The following TBPL1 variants were observed in gnomAD, a reference collection of about 807,000 sequenced individuals.
TBPL1 encodes the protein TATA box-binding protein-like 1.
A neutral mutation model predicts 22.1 loss-of-function variants in TBPL1; 4 were observed. The ratio of observed to expected loss-of-function variants is 0.18; its 90% CI spans 0.09 to 0.41. The LOEUF (loss-of-function observed/expected upper bound fraction) is 0.41. TBPL1 is among the 10% of genes least tolerant of loss of function. The pLI, the probability that TBPL1 is intolerant of heterozygous loss-of-function variation, is 1.00. For missense variants in TBPL1, 115 were observed against 222.3 expected, an observed-to-expected ratio of 0.52 and a Z score of 3.07; for synonymous variants, 64 against 71.0, an observed-to-expected ratio of 0.90 and a Z score of 0.50.
At chr6:133,976,591 G>A (rs1776316450) in intron 1 of TBPL1, among the ~76,000 whole-genome samples, 2 of 152,106 alleles carry the variant, frequency 1.3e-5, no homozygotes, top group African/African-American at 4.8e-5. Context: ...CTAAGCCTTT[G>A]AACTACTAAT....
intron 1 of TBPL1, among the ~76,000 whole-genome samples, chr6:133,966,558 C>T (rs1304925699): frequency 1.3e-5 from 2 of 152,134 alleles, no homozygotes; most frequent in African/African-American, 4.8e-5. Context: ...TTAACTGCTC[C>T]GTATCTCCTC....
intron 1 of TBPL1, among the ~76,000 whole-genome samples, chr6:133,958,284 T>TA (rs1583807117): frequency 1.3e-5 from 2 of 152,250 alleles, no homozygotes; most frequent in Admixed American, 1.3e-4. Context: ...TAGAAGGCAC[T>TA]ATTTTTTACT....
At chr6:133,970,448 C>G (rs1168635607) in intron 1 of TBPL1, among the ~76,000 whole-genome samples, 1 of 152,130 alleles carries the variant, frequency 6.6e-6, no homozygotes, top group Non-Finnish European at 1.5e-5. Flanking sequence ...TAATACAGTA[C>G]ATTTTGAACC....
At chr6:133,983,690 G>A (rs572803108) in intron 4 of TBPL1, among the ~76,000 whole-genome samples, 5 of 152,250 alleles carry the variant, frequency 3.3e-5, no homozygotes, top group East Asian at 1.9e-4. Flanking sequence ...AGGATAGTTC[G>A]CTCACCCAAA....
At chr6:133,956,911 A>G (rs1775937037) in intron 1 of TBPL1, among the ~76,000 whole-genome samples, 1 of 152,208 alleles carries the variant, frequency 6.6e-6, no homozygotes, top group Non-Finnish European at 1.5e-5. Context: ...TACGTATCTG[A>G]GGTTTTTCCA....
At chr6:133,974,692 T>C (rs1188473885) in intron 1 of TBPL1, among the ~76,000 whole-genome samples, 1 of 152,244 alleles carries the variant, frequency 6.6e-6, no homozygotes, top group Admixed American at 6.5e-5. Flanking sequence ...TTTTAAATTA[T>C]CTGAATACAC....
At chr6:133,986,837 T>C in intron 6 of TBPL1, 124 bp from the exon 7 acceptor site, 2 of 566,148 alleles carry the variant, frequency 3.5e-6, no homozygotes. Context: ...TCTAGTTTTC[T>C]TTTTTTTAAC....
chr6:133,976,899 C>G (rs976161039), intron 1 of TBPL1, among the ~76,000 whole-genome samples: 1 of 149,440 alleles, frequency 6.7e-6, no homozygotes, highest in Admixed American at 6.8e-5. Flanking sequence ...ATCCAGGAGG[C>G]GGAGGTTGCC....
chr6:133,974,752 A>G (rs567019106), intron 1 of TBPL1, among the ~76,000 whole-genome samples: 14 of 152,368 alleles, frequency 9.2e-5, no homozygotes, highest in Non-Finnish European at 1.6e-4. Flanking sequence ...CTGTAAGAGA[A>G]CACAGATTTA....
At position 133,988,725 on chromosome 6, in the gene TBPL1, C is replaced by T. The variant is rs867352449; in HGVS notation, c.*1685C>T. Reference sequence around the variant, plus strand: ...TGAGATTTTTAGACTTGTATTTTTCCTTTTTTTTAAAAAAAAAGTGTTTAT... The same window carrying T: ...TGAGATTTTTAGACTTGTATTTTTCTTTTTTTTTAAAAAAAAAGTGTTTAT... On this transcript the variant is annotated 3_prime_UTR_variant, in exon 7 of 7. Transcript: ENST00000237264. 1 of 150,424 alleles carries T rather than the reference C, an allele frequency of 6.6e-6. No homozygotes were observed. The highest frequency in any genetic ancestry group is 3.4e-3 in the Middle Eastern group (1 of 290). The allele number at this position is 150,424 out of a possible 1,614,324, so 9.3% of individuals were successfully genotyped here. A position where few individuals can be genotyped will look rare whatever the true frequency, so the allele number is the denominator to read the frequency against.
chr6:133,963,112 A>G (rs1383213920), intron 1 of TBPL1, among the ~76,000 whole-genome samples: 1 of 152,216 alleles, frequency 6.6e-6, no homozygotes, highest in African/African-American at 2.4e-5. Flanking sequence ...AAGACAGATT[A>G]TGCTGGTTTA....
chr6:133,966,373 C>T (rs1776119652), intron 1 of TBPL1, among the ~76,000 whole-genome samples: 1 of 152,068 alleles, frequency 6.6e-6, no homozygotes, highest in Admixed American at 6.5e-5. Flanking sequence ...TACCATTGAC[C>T]AAATGGGACT....
intron 1 of TBPL1, among the ~76,000 whole-genome samples, chr6:133,974,414 A>G (rs1234246921): frequency 1.3e-5 from 2 of 152,064 alleles, no homozygotes; most frequent in Admixed American, 6.5e-5. Flanking sequence ...GCTCACTGCA[A>G]CCTCCGCCTC....
intron 1 of TBPL1, among the ~76,000 whole-genome samples, chr6:133,967,362 T>C (rs573243945): frequency 1.3e-5 from 2 of 152,232 alleles, no homozygotes; most frequent in Non-Finnish European, 2.9e-5. Context: ...ATATTCTTTA[T>C]ATATTAGAGC....
chr6:133,954,355 T>G (rs1205591021), intron 1 of TBPL1, among the ~76,000 whole-genome samples: 2 of 152,128 alleles, frequency 1.3e-5, no homozygotes, highest in Non-Finnish European at 2.9e-5. Flanking sequence ...GTGGATTCTC[T>G]GGGAAAATAT....
At chr6:133,969,435 AG>A (rs1776180455) in intron 1 of TBPL1, among the ~76,000 whole-genome samples, 1 of 152,144 alleles carries the variant, frequency 6.6e-6, no homozygotes, top group African/African-American at 2.4e-5. Flanking sequence ...CTGAATATCT[AG>A]ATTGAGTCTC....
At chr6:133,964,306 A>G (rs947535910) in intron 1 of TBPL1, among the ~76,000 whole-genome samples, 1 of 152,186 alleles carries the variant, frequency 6.6e-6, no homozygotes, top group Admixed American at 6.5e-5. Flanking sequence ...TCTGAGTAAA[A>G]TAAGAAATTC....
chr6:133,970,421 A>AT (rs1165574137), intron 1 of TBPL1, among the ~76,000 whole-genome samples: 1 of 152,212 alleles, frequency 6.6e-6, no homozygotes, highest in East Asian at 1.9e-4. Context: ...GTTTATGTGT[A>AT]TATGTGTTTG....
intron 4 of TBPL1, among the ~76,000 whole-genome samples, chr6:133,983,833 A>G (rs1256055476): frequency 2.0e-5 from 3 of 152,266 alleles, no homozygotes; most frequent in Non-Finnish European, 4.4e-5. Context: ...TAACATTAGA[A>G]GTGTTGAGAG....
Sources: gnomAD v4.1 joint callset for allele counts (sites outside exome capture counted in the v4.1 genomes callset) on GRCh38, gnomAD v4.1.1 for gene constraint, MANE v1.5 for transcripts, NCBI Gene and HGNC (gene_info 2026-07-23, HGNC 2026-07-21) for gene names.